MYO9B: variants seen among roughly 807,000 people sequenced by gnomAD.
MYO9B encodes the protein unconventional myosin-IXb.
MYO9B carries 71 observed loss-of-function variants against 229.5 expected under a neutral mutation model. The observed-to-expected ratio is 0.31, with a 90% CI of 0.26 to 0.38. MYO9B has a LOEUF of 0.38. MYO9B is among the 10% of genes least tolerant of loss of function. The pLI is 1.00. For missense variants in MYO9B, 2,255 were observed against 2,920.5 expected (o/e 0.77, Z 5.25); for synonymous variants, 1,185 against 1,235.8 (o/e 0.96, Z 0.86).
chr19:17,102,584 G>A (rs1308002862), intron 2 of MYO9B, 27 bp downstream of exon 2: 3 of 1,529,618 alleles, frequency 2.0e-6, no homozygotes, highest in Non-Finnish European at 2.6e-6. Flanking sequence ...GTCGGTCTGT[G>A]GGAGGGGGCA....
chr19:17,119,738 G>A (rs766587119), intron 2 of MYO9B, among the ~76,000 whole-genome samples: 2 of 152,118 alleles, frequency 1.3e-5, no homozygotes, highest in East Asian at 1.9e-4. Context: ...TGCAGGCTCC[G>A]CCTCCCGGGT....
Position 17,192,924 on chromosome 19 carries a change from G to A in MYO9B, c.2990G>A (p.Arg997Lys), listed in dbSNP as rs767694100. 1 of 1,549,250 alleles carries A rather than the reference G, an allele frequency of 6.5e-7. No homozygotes were observed. The highest frequency in any genetic ancestry group is 8.7e-7 in the Non-Finnish European group (1 of 1,146,588). The change falls in exon 21 of 40, where the codon AGG becomes AAG. Residue 997 changes from arginine to lysine, a missense_variant. By Grantham distance (26) the Arg-to-Lys change is conservative. Around this residue, in one of 7 missense-constraint regions of MYO9B, gnomAD observed 679 missense variants for 770.2 expected, o/e 0.88. Transcript: ENST00000682292. ...TGCTGGCGGTCCTACCGGGTCCGGA[G>A]GGCGCTGGAGAGGACGCAGGCTGCC... ...QACWRSYRVR[R>K]ALERTQAAVY...
rs760233368 is a variant in MYO9B, at chr19:17,206,281, T to C, written c.5291T>C (p.Ile1764Thr). The change falls in exon 33 of 40, where the codon ATC becomes ACC. Residue 1764 changes from isoleucine to threonine, a missense_variant. Around this residue, in one of 7 missense-constraint regions of MYO9B, gnomAD observed 416 missense variants for 605.5 expected, o/e 0.69. Coordinates refer to ENST00000682292, the MANE Select transcript of MYO9B (RefSeq NM_004145.4). ...PAAVKLENFP[I>T]HAITGVLKQW... ...GCAGTCAAGCTGGAGAACTTCCCCA[T>C]CCACGCCATCACAGGGGTGCTGAAG... The C allele has an allele frequency of 2.8e-6, 4 of 1,422,558 alleles. No homozygotes were observed. The highest frequency in any genetic ancestry group is 2.2e-5 in the Admixed American group (1 of 45,980). 88.1% of individuals were successfully genotyped at this position (1,422,558 alleles called of 1,614,324 possible).
At chr19:17,182,648 C>T (rs540982108) in intron 15 of MYO9B, among the ~76,000 whole-genome samples, 29 of 151,960 alleles carry the variant, frequency 1.9e-4, no homozygotes, top group Admixed American at 1.4e-3. Context: ...TCAAATGATC[C>T]GCCCACCTCG....
At chr19:17,098,045 A>ACC (rs10602502) in intron 1 of MYO9B, among the ~76,000 whole-genome samples, 31 of 132,678 alleles carry the variant, frequency 2.3e-4, no homozygotes, top group African/African-American at 6.6e-4. Flanking sequence ...ATCCTTCAGA[A>ACC]CCCCCCCCCC....
chr19:17,147,654 G>A (rs969909200), intron 3 of MYO9B, among the ~76,000 whole-genome samples: 1 of 146,252 alleles, frequency 6.8e-6, no homozygotes, highest in African/African-American at 2.5e-5. Flanking sequence ...GAGCCACTGC[G>A]CCCAGACACT....
chr19:17,145,812 C>T lies in MYO9B; in HGVS notation c.935+321C>T, dbSNP rs768990514. ...GGGGGTGTCACAGGCAGTGGGGATGCGGACTCTGGCCTTTGCCAAACATGT... is the reference window on the plus strand; with the variant it reads ...GGGGGTGTCACAGGCAGTGGGGATGTGGACTCTGGCCTTTGCCAAACATGT... On this transcript the variant is annotated intron_variant, in intron 3 of 39. Coordinates refer to ENST00000682292, the MANE Select transcript of MYO9B (RefSeq NM_004145.4). Among the ~76,000 whole-genome samples, 5 of 151,998 alleles carry T rather than the reference C, an allele frequency of 3.3e-5. No individual in the cohort carries two copies. The East Asian group carries it at 7.7e-4, about 23-fold the overall frequency.
chr19:17,107,311 C>T (rs989018108), intron 2 of MYO9B, among the ~76,000 whole-genome samples: 2 of 152,088 alleles, frequency 1.3e-5, no homozygotes, highest in African/African-American at 4.8e-5. Flanking sequence ...GACATTTTGC[C>T]AAATGGGACT....
intron 1 of MYO9B, among the ~76,000 whole-genome samples, chr19:17,082,544 G>T (rs1415593172): frequency 1.3e-5 from 2 of 152,120 alleles, no homozygotes; most frequent in Admixed American, 1.3e-4. Flanking sequence ...GAGATCGGGG[G>T]CAGGAGGGTG....
chr19:17,092,822 CTATG>C (rs2057651253), intron 1 of MYO9B, among the ~76,000 whole-genome samples: 1 of 151,146 alleles, frequency 6.6e-6, no homozygotes, highest in African/African-American at 2.4e-5. Flanking sequence ...AAGCATATGA[CTATG>C]TGTACAAGCA....
chr19:17,083,645 C>CTTTT (rs5827358), intron 1 of MYO9B, among the ~76,000 whole-genome samples: 1 of 121,232 alleles, frequency 8.2e-6, no homozygotes, highest in Non-Finnish European at 1.7e-5. Flanking sequence ...ATGCTGCCCT[C>CTTTT]TTTTTTTTTT....
At chr19:17,109,079 T>TATTC (rs1264699461) in intron 2 of MYO9B, among the ~76,000 whole-genome samples, 7 of 127,278 alleles carry the variant, frequency 5.5e-5, no homozygotes, top group South Asian at 4.9e-4. Context: ...TTTATTTATT[T>TATTC]ATTTTGAAAC....
chr19:17,170,807 G>C (rs554919250), intron 11 of MYO9B, among the ~76,000 whole-genome samples: 1 of 138,658 alleles, frequency 7.2e-6, no homozygotes, highest in South Asian at 2.3e-4. Flanking sequence ...CTGGGCAACA[G>C]AGCAAGACCC....
intron 36 of MYO9B, 61 bp downstream of exon 36, chr19:17,209,770 A>C: frequency 2.2e-6 from 3 of 1,366,664 alleles, no homozygotes; most frequent in Non-Finnish European, 2.9e-6. Context: ...GGTGCTGGGC[A>C]GGGCCTTGGG....
intron 1 of MYO9B, among the ~76,000 whole-genome samples, chr19:17,097,743 C>G (rs945717548): frequency 6.6e-6 from 1 of 151,984 alleles, no homozygotes; most frequent in Non-Finnish European, 1.5e-5. Flanking sequence ...CCTCTAGTGG[C>G]CCTGACCCCA....
At chr19:17,077,760 C>A (rs1000416058) in intron 1 of MYO9B, among the ~76,000 whole-genome samples, 9 of 152,234 alleles carry the variant, frequency 5.9e-5, no homozygotes, top group Admixed American at 5.9e-4. Context: ...ACAGCACCCC[C>A]ACTCTCCATT....
chr19:17,094,896 T>C (rs145244205), intron 1 of MYO9B, among the ~76,000 whole-genome samples: 17 of 152,020 alleles, frequency 1.1e-4, no homozygotes, highest in African/African-American at 4.1e-4. Context: ...TGAGCCACAA[T>C]TGCACCACTG....
intron 15 of MYO9B, among the ~76,000 whole-genome samples, chr19:17,182,774 G>T (rs2072875568): frequency 6.6e-6 from 1 of 152,110 alleles, no homozygotes; most frequent in African/African-American, 2.4e-5. Flanking sequence ...CATCTCCTTA[G>T]CCGGTCTTCA....
At chr19:17,206,225 G>GGGGGGGGGGCC in intron 32 of MYO9B, 23 bp from the exon 33 acceptor site, 1 of 1,564,672 alleles carries the variant, frequency 6.4e-7, no homozygotes, top group Non-Finnish European at 8.7e-7. Flanking sequence ...CCGCTCACCA[G>GGGGGGGGGGCC]ACCCACCCCA....
Sources: allele counts gnomAD v4.1 joint callset (sites outside exome capture counted in the v4.1 genomes callset), GRCh38; gene constraint gnomAD v4.1.1; regional missense constraint gnomAD v4.1.1; transcripts MANE v1.5; gene names NCBI Gene and HGNC (gene_info 2026-07-23, HGNC 2026-07-21).